Variants in ANKS1B observed in about 807,000 individuals in gnomAD.
ANKS1B encodes the protein ankyrin repeat and sterile alpha motif domain-containing protein 1B.
A neutral mutation model predicts 148.3 loss-of-function variants in ANKS1B; 36 were observed. The ratio of observed to expected loss-of-function variants is 0.24; its 90% CI spans 0.19 to 0.32. The LOEUF is 0.32. ANKS1B is among the 10% of genes least tolerant of loss of function. The pLI, the probability that ANKS1B is intolerant of heterozygous loss-of-function variation, is 1.00. For missense variants in ANKS1B, 1,157 were observed against 1,542.6 expected, an observed-to-expected ratio of 0.75 and a Z score of 4.19; for synonymous variants, 542 against 560.8, an observed-to-expected ratio of 0.97 and a Z score of 0.47.
rs10745846 is a variant in ANKS1B at position 99,183,972 on chromosome 12, A to C, written c.2420-29577T>G. Among the ~76,000 whole-genome samples, 21 of 152,230 alleles carry C rather than the reference A, an allele frequency of 1.4e-4. No homozygotes were observed. In the East Asian group the frequency reaches 2.1e-3, roughly 15 times the overall value. On this transcript the variant is annotated intron_variant, in intron 14 of 26. Coordinates refer to ENST00000683438, the MANE Select transcript of ANKS1B (RefSeq NM_001352186.2). ...ATTAATCAAAATGCAGTTTCATATA[A>C]ATCAAATATACATTTCACTTATAAT...
At chr12:99,674,784 T>TA (rs921768445) in intron 8 of ANKS1B, among the ~76,000 whole-genome samples, 5 of 151,742 alleles carry the variant, frequency 3.3e-5, no homozygotes, top group Non-Finnish European at 5.9e-5. Flanking sequence ...TTCATTTCAT[T>TA]AAAAAAATTA....
rs371144648 is a variant in ANKS1B, at chr12:99,042,569, T to C, written c.2778+10588A>G. Among the ~76,000 whole-genome samples the C allele has an allele frequency of 1.1e-4, 17 of 152,332 alleles. No individual in the cohort carries two copies. In the East Asian group the frequency reaches 2.5e-3, roughly 22 times the overall value. On this transcript the variant is annotated intron_variant, in intron 17 of 26. Coordinates refer to ENST00000683438, the MANE Select transcript of ANKS1B (RefSeq NM_001352186.2). ...AGCCACTTCATTTTCAGACAGCTTG[T>C]TCCATAGCATTGTTGAGGCAATGGA...
intron 14 of ANKS1B, among the ~76,000 whole-genome samples, chr12:99,223,064 A>AT (rs1249313151): frequency 6.6e-6 from 1 of 152,166 alleles, no homozygotes; most frequent in Admixed American, 6.5e-5. Flanking sequence ...GTATGTTTGC[A>AT]TTTTTCCTAG....
chr12:98,735,575 T>G, exon 10 of ANKS1B: 1 of 771,380 alleles, frequency 1.3e-6, no homozygotes, highest in East Asian at 2.4e-5. Flanking sequence ...ATTTTCTGAG[T>G]GCCTCCTCAG....
chr12:99,397,618 A>T (rs529125623), intron 12 of ANKS1B, among the ~76,000 whole-genome samples: 1 of 152,264 alleles, frequency 6.6e-6, no homozygotes, highest in South Asian at 2.1e-4. Context: ...AACTTTTTCC[A>T]GCTTTGTCAT....
intron 11 of ANKS1B, among the ~76,000 whole-genome samples, chr12:99,419,256 C>G (rs1236900421): frequency 1.3e-5 from 2 of 151,916 alleles, no homozygotes; most frequent in Non-Finnish European, 2.9e-5. Context: ...TTTTTGAAAG[C>G]TTTTTTGATT....
At chr12:99,706,771 G>A (rs943411718) in intron 8 of ANKS1B, 1 of 152,050 alleles carries the variant, frequency 6.6e-6, no homozygotes, top group Non-Finnish European at 1.5e-5. Flanking sequence ...CATATGGAAA[G>A]GCCATGTGGT....
intron 1 of ANKS1B, among the ~76,000 whole-genome samples, chr12:99,944,780 A>T (rs1297289035): frequency 6.6e-6 from 1 of 152,158 alleles, no homozygotes; most frequent in African/African-American, 2.4e-5. Flanking sequence ...TTTGTTGGAT[A>T]TTATGAATGT....
At chr12:99,255,070 A>C (rs2075096861) in intron 12 of ANKS1B, among the ~76,000 whole-genome samples, 1 of 152,198 alleles carries the variant, frequency 6.6e-6, no homozygotes, top group South Asian at 2.1e-4. Flanking sequence ...TAAGATTGGA[A>C]CGATATGTTT....
At chr12:99,398,688 T>C (rs1285477339) in intron 12 of ANKS1B, among the ~76,000 whole-genome samples, 3 of 152,116 alleles carry the variant, frequency 2.0e-5, no homozygotes, top group Non-Finnish European at 4.4e-5. Context: ...ACCAGTTTTA[T>C]CTAATAGCTA....
rs964967652 is a variant in ANKS1B at position 99,531,632 on chromosome 12, C to T, written c.1273-26991G>A. ...AGTTGATGGGCACTGAGATTGATTC[C>T]GTATCTTTGCAATTGTGAATTGTGT... On this transcript the variant is annotated intron_variant, in intron 9 of 26. Transcript: ENST00000683438. Among the ~76,000 whole-genome samples the T allele has an allele frequency of 4.6e-5, 7 of 152,050 alleles. No homozygotes were observed. The East Asian group carries it at 1.2e-3, about 25-fold the overall frequency.
At chr12:99,106,988 G>C in intron 15 of ANKS1B, among the ~76,000 whole-genome samples, 1 of 152,108 alleles carries the variant, frequency 6.6e-6, no homozygotes, top group East Asian at 1.9e-4. Context: ...CCAGACGTCT[G>C]CTCTAGCTGC....
intron 17 of ANKS1B, among the ~76,000 whole-genome samples, chr12:98,921,812 T>G (rs2099801817): frequency 6.6e-6 from 1 of 151,784 alleles, no homozygotes; most frequent in South Asian, 2.1e-4. Context: ...TTTGAAGAGG[T>G]TTTTCATATT....
At chr12:98,823,853 T>C (rs2099222799) in intron 19 of ANKS1B, among the ~76,000 whole-genome samples, 1 of 152,230 alleles carries the variant, frequency 6.6e-6, no homozygotes, top group East Asian at 1.9e-4. Context: ...GAAAACTGAT[T>C]CTGTAAATTC....
chr12:99,795,740 A>T (rs77707929), intron 4 of ANKS1B, among the ~76,000 whole-genome samples: 1 of 152,126 alleles, frequency 6.6e-6, no homozygotes, highest in East Asian at 1.9e-4. Flanking sequence ...GGATGTCTAA[A>T]ACCAAAGATA....
chr12:99,660,363 C>CTTTT (rs71088137), intron 8 of ANKS1B, among the ~76,000 whole-genome samples: 5 of 120,596 alleles, frequency 4.1e-5, no homozygotes, highest in Admixed American at 9.4e-5. Context: ...TTTTCTTTTT[C>CTTTT]TTTTTTTTTT....
intron 21 of ANKS1B, 132 bp downstream of exon 21, chr12:98,800,865 A>G (rs2098999295): frequency 1.7e-6 from 2 of 1,148,542 alleles, no homozygotes; most frequent in African/African-American, 3.1e-5. Flanking sequence ...GAAAAAGTGA[A>G]GAGAAAAACA....
chr12:99,575,454 A>G (rs989757003), intron 9 of ANKS1B, among the ~76,000 whole-genome samples: 2 of 152,126 alleles, frequency 1.3e-5, no homozygotes, highest in African/African-American at 4.8e-5. Context: ...TAATAAAGAC[A>G]TACCCAAGAC....
chr12:98,795,178 A>C (rs1344750698), intron 22 of ANKS1B, among the ~76,000 whole-genome samples: 1 of 152,236 alleles, frequency 6.6e-6, no homozygotes, highest in Non-Finnish European at 1.5e-5. Context: ...GTATAAAATA[A>C]AATATTCTTT....
Sources: allele counts gnomAD v4.1 joint callset (sites outside exome capture counted in the v4.1 genomes callset), GRCh38; gene constraint gnomAD v4.1.1; transcripts MANE v1.5; gene names NCBI Gene and HGNC (gene_info 2026-07-23, HGNC 2026-07-21).